Variants in SNX29 observed in about 807,000 individuals in gnomAD.
SNX29 encodes the protein sorting nexin-29.
In SNX29, 78 loss-of-function variants were observed where a neutral mutation model predicts 102.1. That is an observed-to-expected ratio of 0.76 (90% confidence interval 0.64 to 0.92). The LOEUF (loss-of-function observed/expected upper bound fraction) is 0.92. SNX29 is among the 40% of genes least tolerant of loss of function. The probability of loss-of-function intolerance (pLI) is 0.00; values close to 1 mark genes in which losing one functional copy is unlikely to be tolerated. For missense variants in SNX29, 1,280 were observed against 1,061.7 expected, an observed-to-expected ratio of 1.21 and a Z score of -2.86; for synonymous variants, 580 against 414.5, an observed-to-expected ratio of 1.40 and a Z score of -4.85.
At chr16:12,063,607 G>A (rs553177808) in intron 9 of SNX29, among the ~76,000 whole-genome samples, 12 of 151,910 alleles carry the variant, frequency 7.9e-5, no homozygotes, top group Admixed American at 2.0e-4. Flanking sequence ...TCAAACTCCT[G>A]ACCTCACGTG....
rs137986488 is a variant in SNX29 at position 12,569,811 on chromosome 16, T to G, written c.*1182T>G. ...CGTCCTCAGATGCTCAGCAAAGTTGTGGCAGTTTGCATTTCTAGGGTAAAC... is the reference window on the plus strand; with the variant it reads ...CGTCCTCAGATGCTCAGCAAAGTTGGGGCAGTTTGCATTTCTAGGGTAAAC... On this transcript the variant is annotated 3_prime_UTR_variant, in exon 21 of 21. Transcript: ENST00000566228. 1.7e-5 allele frequency: 4 copies of G among 230,406 alleles called. No homozygotes were observed. Among genetic ancestry groups the G allele is most frequent in the African/African-American group, 8.9e-5 (4 of 45,186 alleles). 14.3% of individuals were successfully genotyped at this position (230,406 alleles called of 1,614,324 possible). A position where few individuals can be genotyped will look rare whatever the true frequency, so the allele number is the denominator to read the frequency against.
At chr16:12,401,280 T>G (rs972854746) in intron 17 of SNX29, among the ~76,000 whole-genome samples, 21 of 152,148 alleles carry the variant, frequency 1.4e-4, no homozygotes, top group African/African-American at 4.8e-4. Context: ...GACTGTATGT[T>G]AGGCCACAAA....
intron 20 of SNX29, among the ~76,000 whole-genome samples, chr16:12,525,689 GCCCCCCCCACC>G (rs1047794296): frequency 1.8e-4 from 17 of 94,860 alleles, no homozygotes; most frequent in Non-Finnish European, 3.5e-4. Context: ...AAGACTCCAC[GCCCCCCCCACC>G]CCCCCCCCCA....
At chr16:12,522,620 G>A (rs2090142645) in intron 19 of SNX29, among the ~76,000 whole-genome samples, 1 of 152,038 alleles carries the variant, frequency 6.6e-6, no homozygotes, top group African/African-American at 2.4e-5. Flanking sequence ...AAAAGTATGT[G>A]GCACCTCCCG....
chr16:12,548,195 G>T (rs898293908), intron 20 of SNX29, among the ~76,000 whole-genome samples: 1 of 152,106 alleles, frequency 6.6e-6, no homozygotes, highest in South Asian at 2.1e-4. Flanking sequence ...ATCCCACAGC[G>T]CCTCCCACAA....
Position 12,043,059 on chromosome 16 carries a change from C to G in SNX29, c.410C>G (p.Ala137Gly). Reference sequence around the variant, plus strand: ...GAGCGCTACCTGCACATGCTCCTGGCCGACCGCTGCAGGCTGAGGTACGTG... The same window carrying G: ...GAGCGCTACCTGCACATGCTCCTGGGCGACCGCTGCAGGCTGAGGTACGTG... Reference protein sequence around the residue: ...SLERYLHMLLADRCRLSTFYE... With the variant: ...SLERYLHMLLGDRCRLSTFYE... The change falls in exon 5 of 21, where the codon GCC becomes GGC. Residue 137 changes from alanine (A) to glycine (G), a missense_variant. Coordinates refer to ENST00000566228, the MANE Select transcript of SNX29 (RefSeq NM_032167.5). 1 of 1,613,298 alleles carries G rather than the reference C, an allele frequency of 6.2e-7. No individual in the cohort carries two copies. The highest frequency in any genetic ancestry group is 8.5e-7 in the Non-Finnish European group (1 of 1,179,832).
Position 12,096,137 on chromosome 16 carries a change from C to G in SNX29, c.1402+17222C>G, listed in dbSNP as rs375286246. Among the ~76,000 whole-genome samples, 1 of 152,208 alleles carries G rather than the reference C, an allele frequency of 6.6e-6. No homozygotes were observed. Among genetic ancestry groups the G allele is most frequent in the African/African-American group, 2.4e-5 (1 of 41,464 alleles). ...TCTGAGCCCCCTGCCCCTTAACTGC[C>G]GAGAAGTGAACCTAGGTGACGTGGC... On this transcript the variant is annotated intron_variant, in intron 11 of 20. Transcript: ENST00000566228. The surrounding 1 kb of genome is among the most constrained non-coding windows in gnomAD (Gnocchi z 4.2).
chr16:12,055,655 T>A (rs2050488777), intron 8 of SNX29, among the ~76,000 whole-genome samples: 1 of 152,336 alleles, frequency 6.6e-6, no homozygotes, highest in African/African-American at 2.4e-5. Flanking sequence ...AGAGGCAATC[T>A]GCTGGCAGAA....
At chr16:12,474,072 C>T (rs570038853) in intron 18 of SNX29, among the ~76,000 whole-genome samples, 1 of 152,224 alleles carries the variant, frequency 6.6e-6, no homozygotes, top group Non-Finnish European at 1.5e-5. Context: ...GGATTGGAGC[C>T]CCTGTCTGGT....
rs2050179324 is a variant in SNX29, at chr16:12,048,539, G to T, written c.667G>T (p.Ala223Ser). The T allele has an allele frequency of 6.2e-7, 1 of 1,613,850 alleles. No homozygotes were observed. The highest frequency in any genetic ancestry group is 8.5e-7 in the Non-Finnish European group (1 of 1,179,882). Residue 223 changes from alanine to serine, a missense_variant, in exon 7 of 21, where the codon GCC (alanine) becomes TCC (serine). Physicochemically the swap from Ala to Ser is moderately conservative, Grantham distance 99. Coordinates refer to ENST00000566228, the MANE Select transcript of SNX29 (RefSeq NM_032167.5). ...GVSSLFREIT[A>S]SSAVSILIKP... ...GAGCAGCCTGTTCAGGGAGATCACA[G>T]CCTCCTCTGCCGTCTCCATCCTCAT...
At chr16:12,061,476 T>C in intron 8 of SNX29, 52 bp from the exon 9 acceptor site, 2 of 1,461,114 alleles carry the variant, frequency 1.4e-6, no homozygotes, top group Non-Finnish European at 1.9e-6. Flanking sequence ...TGGTGAGTCA[T>C]GCGGCCTGTG....
chr16:12,556,388 G>T (rs143351735), intron 20 of SNX29: 4 of 152,208 alleles, frequency 2.6e-5, no homozygotes, highest in African/African-American at 4.8e-5. Context: ...GTAGGCACTG[G>T]CAATATAGTA....
intron 14 of SNX29, among the ~76,000 whole-genome samples, chr16:12,261,806 G>C (rs1319008524): frequency 7.3e-6 from 1 of 136,842 alleles, no homozygotes; most frequent in African/African-American, 2.8e-5. Context: ...GTCTGTGCAC[G>C]TGTCCCCGGC....
At chr16:12,060,972 G>A (rs1347602632) in intron 8 of SNX29, 41 of 420,646 alleles carry the variant, frequency 9.7e-5, no homozygotes, top group Admixed American at 5.2e-4. Context: ...GCAGCGAGGC[G>A]GAGCAACGCT....
chr16:12,408,068 G>A (rs1368334230), intron 18 of SNX29, among the ~76,000 whole-genome samples: 2 of 152,126 alleles, frequency 1.3e-5, no homozygotes, highest in Non-Finnish European at 2.9e-5. Context: ...TGAGGCAGGA[G>A]GATTGCCTGA....
intron 13 of SNX29, among the ~76,000 whole-genome samples, chr16:12,131,581 T>G (rs1166633881): frequency 6.6e-6 from 1 of 152,256 alleles, no homozygotes; most frequent in African/African-American, 2.4e-5. Context: ...ATTGGAATGA[T>G]GAATTTAATA....
Position 12,194,912 on chromosome 16 carries a change from C to G in SNX29, c.1596-4689C>G, listed in dbSNP as rs567500634. 1.3e-3 allele frequency among the ~76,000 whole-genome samples: 198 copies of G among 152,258 alleles called. 1 individual carries two copies. The highest frequency in any genetic ancestry group is 2.4e-3 in the Non-Finnish European group (165 of 68,010). On this transcript the variant is annotated intron_variant, in intron 13 of 20. Transcript: ENST00000566228. ...AAAGTGCTGGGATTACAGGCATGAG[C>G]CACTGCATCTGGCCTGGGGGTATTT...
chr16:12,544,340 C>T (rs1362637), intron 20 of SNX29, among the ~76,000 whole-genome samples: 4 of 152,136 alleles, frequency 2.6e-5, no homozygotes, highest in Non-Finnish European at 5.9e-5. Flanking sequence ...CAGGAAAAGT[C>T]AGTACTGTTG....
intron 11 of SNX29, among the ~76,000 whole-genome samples, chr16:12,113,406 T>C (rs1046370509): frequency 6.6e-6 from 1 of 152,086 alleles, no homozygotes; most frequent in African/African-American, 2.4e-5. Context: ...TGTCTAAGGA[T>C]GTTCTGGTTA....
Sources: gnomAD v4.1 joint callset for allele counts (sites outside exome capture counted in the v4.1 genomes callset) on GRCh38, gnomAD v4.1.1 for gene constraint, Gnocchi (gnomAD v3.1) non-coding constraint, MANE v1.5 for transcripts, NCBI Gene and HGNC (gene_info 2026-07-23, HGNC 2026-07-21) for gene names.